The following PPP3R1 variants were observed in gnomAD, a reference collection of about 807,000 sequenced individuals.
The protein encoded by PPP3R1 is calcineurin subunit B type 1.
Under a neutral mutation model 22.6 loss-of-function variants are expected in PPP3R1, and 5 were observed. The ratio of observed to expected loss-of-function variants is 0.22; its 90% CI spans 0.12 to 0.46. The LOEUF (loss-of-function observed/expected upper bound fraction) is 0.46. Ranked by LOEUF, PPP3R1 falls within the 20% of genes least tolerant of loss-of-function variation. PPP3R1 has a pLI of 0.99. For synonymous variants in PPP3R1, 56 were observed against 65.2 expected, an observed-to-expected ratio of 0.86 and a Z score of 0.68; for missense variants, 61 against 203.2, an observed-to-expected ratio of 0.30 and a Z score of 4.25.
rs687 is a variant in PPP3R1 at position 68,188,635 on chromosome 2, G to A, written c.99C>T (p.Asp33=). 691,158 of 1,611,810 alleles carry A rather than the reference G, an allele frequency of 0.43. 152,011 individuals are homozygous for A. The highest frequency in any genetic ancestry group is 0.63 in the South Asian group (57,343 of 90,848). Reference sequence around the variant, plus strand: ...CTTCCACACTCAAAGAACCAGAATTGTCCAAATCAAGCTTCTTAAATCTCT... The same window carrying A: ...CTTCCACACTCAAAGAACCAGAATTATCCAAATCAAGCTTCTTAAATCTCT... ...LGKRFKKLDL[D]NSGSLSVEEF... is the part of the protein sequence containing the mutation. Residue 33 remains aspartate, a synonymous_variant, in exon 3 of 6, where the codon GAC becomes GAT. Coordinates refer to ENST00000234310, the MANE Select transcript of PPP3R1 (RefSeq NM_000945.4).
intron 1 of PPP3R1, among the ~76,000 whole-genome samples, chr2:68,230,537 T>C (rs959915360): frequency 6.6e-6 from 1 of 152,276 alleles, no homozygotes; most frequent in Non-Finnish European, 1.5e-5. Flanking sequence ...AATTTTTGCT[T>C]CAACACTCAA....
intron 1 of PPP3R1, among the ~76,000 whole-genome samples, chr2:68,246,067 C>CTTTTTTTTTTTTTT (rs746584723): frequency 2.4e-3 from 177 of 73,804 alleles, no homozygotes; most frequent in East Asian, 3.0e-3. Context: ...TTCTTTCTTT[C>CTTTTTTTTTTTTTT]TTTTTTTTTT....
intron 1 of PPP3R1, among the ~76,000 whole-genome samples, chr2:68,221,084 C>G (rs1669680231): frequency 6.6e-6 from 1 of 151,974 alleles, no homozygotes. Flanking sequence ...GTAATCCCAC[C>G]ACATTGGGAG....
chr2:68,230,349 A>G (rs960361927), intron 1 of PPP3R1, among the ~76,000 whole-genome samples: 1 of 152,074 alleles, frequency 6.6e-6, no homozygotes, highest in Non-Finnish European at 1.5e-5. Context: ...TTTAAATTCC[A>G]TTTTGATTTA....
chr2:68,246,363 G>A (rs146259294), intron 1 of PPP3R1, among the ~76,000 whole-genome samples: 136 of 151,978 alleles, frequency 8.9e-4, no homozygotes, highest in African/African-American at 3.2e-3. Flanking sequence ...GTGAGCCACC[G>A]TGCCCGGCTC....
At chr2:68,202,471 C>T (rs1394086218) in intron 2 of PPP3R1, among the ~76,000 whole-genome samples, 1 of 151,970 alleles carries the variant, frequency 6.6e-6, no homozygotes. Context: ...GTCTCCCACG[C>T]TGGAGTGCAA....
intron 1 of PPP3R1, among the ~76,000 whole-genome samples, chr2:68,242,673 C>T (rs1036311583): frequency 2.0e-5 from 3 of 152,234 alleles, no homozygotes; most frequent in Non-Finnish European, 2.9e-5. Context: ...CCCATTATCA[C>T]GTGTTTTTCC....
intron 2 of PPP3R1, among the ~76,000 whole-genome samples, chr2:68,198,160 TA>T (rs1439339400): frequency 7.0e-6 from 1 of 142,844 alleles, no homozygotes; most frequent in East Asian, 2.0e-4. Flanking sequence ...CACATATATG[TA>T]AATATATACA....
At chr2:68,181,108 G>A in intron 5 of PPP3R1, 98 bp from the exon 6 acceptor site, 3 of 1,187,082 alleles carry the variant, frequency 2.5e-6, no homozygotes, top group Non-Finnish European at 2.5e-6. Flanking sequence ...ATTACTAGGG[G>A]GCTGGGCGTG....
chr2:68,178,913 CACA>C lies in PPP3R1; in HGVS notation c.*2047_*2049del, dbSNP rs1159268424. On this transcript the variant is annotated 3_prime_UTR_variant, in exon 6 of 6. Coordinates refer to ENST00000234310, the MANE Select transcript of PPP3R1 (RefSeq NM_000945.4). ...ACAGTATGAAGTTTTCTAAAGATCC[CACA>C]ACATGACGTATCATGCAGAAGAAAA... 6.7e-6 allele frequency: 1 copy of C among 150,336 alleles called. No homozygotes were observed. Among genetic ancestry groups the C allele is most frequent in the African/African-American group, 2.5e-5 (1 of 40,690 alleles). 9.3% of individuals were successfully genotyped at this position (150,336 alleles called of 1,614,324 possible).
At chr2:68,240,670 T>C (rs1670106502) in intron 1 of PPP3R1, among the ~76,000 whole-genome samples, 1 of 152,102 alleles carries the variant, frequency 6.6e-6, no homozygotes, top group Non-Finnish European at 1.5e-5. Context: ...AAGGTTCAGA[T>C]GGTGGAATAA....
chr2:68,211,280 G>A lies in PPP3R1; in HGVS notation c.43+5812C>T, dbSNP rs189252732. ...AAATTAGCCCGGCGTGGTGGCGGGC[G>A]CCTGTAGTCCCAGCTACTCAGGAGG... On this transcript the variant is annotated intron_variant, in intron 2 of 5. Transcript: ENST00000234310. Among the ~76,000 whole-genome samples the A allele has an allele frequency of 3.6e-4, 54 of 151,884 alleles. No individual in the cohort carries two copies. The East Asian group carries it at 6.0e-3, about 17-fold the overall frequency.
rs1669592437 is a variant in PPP3R1, at chr2:68,217,036, A to AGG, written c.43+55_43+56insCC. The stretch of plus-strand genomic sequence containing the variant: ...TACACACACACACACACACACACAC[A>AGG]CACAGAGAGAGATGAGTGAATAAAA... On this transcript the variant is annotated intron_variant, in intron 2 of 5. Transcript: ENST00000234310. 2.1e-4 allele frequency: 158 copies of AGG among 759,666 alleles called. 8 individuals are homozygous for AGG. The Middle Eastern group carries it at 3.1e-3, about 15-fold the overall frequency. The allele number at this position is 759,666 out of a possible 1,614,324, so 47.1% of individuals were successfully genotyped here.
chr2:68,251,932 C>T (rs1166790912), intron 1 of PPP3R1, among the ~76,000 whole-genome samples, 193 bp downstream of exon 1: 1 of 146,316 alleles, frequency 6.8e-6, no homozygotes, highest in East Asian at 2.0e-4. Flanking sequence ...GGGGGCCCCG[C>T]CGCCGTCCTG....
At chr2:68,251,876 C>G (rs1670366572) in intron 1 of PPP3R1, among the ~76,000 whole-genome samples, 2 of 134,312 alleles carry the variant, frequency 1.5e-5, no homozygotes, top group East Asian at 2.3e-4. Flanking sequence ...GGCGGGGCGG[C>G]GGCCGAGCAG....
Position 68,242,101 on chromosome 2 carries a change from T to C in PPP3R1, c.3+10024A>G, listed in dbSNP as rs1003894037. Among the ~76,000 whole-genome samples the C allele has an allele frequency of 2.6e-4, 40 of 152,182 alleles. 1 individual carries two copies. Among genetic ancestry groups the C allele is most frequent in the Admixed American group, 2.2e-3 (34 of 15,276 alleles). ...ACAACCACATACAGCTAGTGTCTAC[T>C]GAATTAAACATCACTGAACTGTGGT... is the stretch of plus-strand genomic sequence containing the variant. On this transcript the variant is annotated intron_variant, in intron 1 of 5. Coordinates refer to ENST00000234310, the MANE Select transcript of PPP3R1 (RefSeq NM_000945.4).
At chr2:68,223,586 A>T (rs1669727443) in intron 1 of PPP3R1, among the ~76,000 whole-genome samples, 1 of 152,174 alleles carries the variant, frequency 6.6e-6, no homozygotes, top group Admixed American at 6.5e-5. Context: ...AGGAAAAAAA[A>T]AGAAAAAAAC....
intron 1 of PPP3R1, among the ~76,000 whole-genome samples, chr2:68,237,583 A>G (rs2103803287): frequency 6.6e-6 from 1 of 152,288 alleles, no homozygotes; most frequent in East Asian, 1.9e-4. Flanking sequence ...AATGAATAAT[A>G]AAATACCAAA....
intron 1 of PPP3R1, among the ~76,000 whole-genome samples, chr2:68,251,619 C>A (rs1443544526): frequency 6.6e-6 from 1 of 151,400 alleles, no homozygotes. Context: ...GGGAAACAGG[C>A]AGTGAGTGGA....
Sources: gnomAD v4.1 joint callset for allele counts (sites outside exome capture counted in the v4.1 genomes callset) on GRCh38, gnomAD v4.1.1 for gene constraint, MANE v1.5 for transcripts, NCBI Gene and HGNC (gene_info 2026-07-23, HGNC 2026-07-21) for gene names.